CDH12: variants seen among roughly 807,000 people sequenced by gnomAD.
CDH12 encodes cadherin-12.
A neutral mutation model predicts 74.1 loss-of-function variants in CDH12; 41 were observed. The observed-to-expected ratio is 0.55, with a 90% CI of 0.43 to 0.72. The LOEUF (loss-of-function observed/expected upper bound fraction) is 0.72. Among genes scored for constraint, CDH12 ranks in the 30% least tolerant of loss-of-function variants. The pLI is 0.00. For missense variants in CDH12, 945 were observed against 977.2 expected (o/e 0.97, Z 0.44); for synonymous variants, 399 against 355.0 (o/e 1.12, Z -1.39).
intron 1 of CDH12, among the ~76,000 whole-genome samples, chr5:22,686,300 T>C (rs141696810): frequency 1.3e-5 from 2 of 152,280 alleles, no homozygotes; most frequent in Non-Finnish European, 2.9e-5. Context: ...ATGTATTTGA[T>C]TTAAAAATAT....
chr5:22,137,063 C>T (rs1746507662), intron 4 of CDH12, among the ~76,000 whole-genome samples: 2 of 151,440 alleles, frequency 1.3e-5, no homozygotes. Flanking sequence ...GTGAATATCT[C>T]TCTATGAAAT....
chr5:22,755,075 A>C (rs1745819886), intron 1 of CDH12, among the ~76,000 whole-genome samples: 1 of 152,138 alleles, frequency 6.6e-6, no homozygotes, highest in Non-Finnish European at 1.5e-5. Context: ...GGATCTATGG[A>C]TCTTACATAA....
chr5:21,998,587 A>G (rs1736429996), intron 5 of CDH12, among the ~76,000 whole-genome samples: 1 of 152,172 alleles, frequency 6.6e-6, no homozygotes, highest in South Asian at 2.1e-4. Flanking sequence ...ACAAAATATC[A>G]GAAAAATCAG....
At chr5:22,351,149 C>G (rs970957314) in intron 3 of CDH12, among the ~76,000 whole-genome samples, 17 of 151,808 alleles carry the variant, frequency 1.1e-4, no homozygotes. Context: ...TATTGAGTGC[C>G]CTATCATACA....
At chr5:21,958,490 C>A (rs539941614) in intron 6 of CDH12, among the ~76,000 whole-genome samples, 1 of 152,150 alleles carries the variant, frequency 6.6e-6, no homozygotes, top group East Asian at 1.9e-4. Flanking sequence ...AGGAAGGGGT[C>A]CAGTTTCAAT....
At chr5:22,024,481 A>C (rs1161494685) in intron 5 of CDH12, among the ~76,000 whole-genome samples, 1 of 152,120 alleles carries the variant, frequency 6.6e-6, no homozygotes, top group East Asian at 1.9e-4. Context: ...ATCATGCATA[A>C]AGGTAAATTT....
rs1211018091 is a variant in CDH12 at position 22,128,725 on chromosome 5, C to T, written c.-186-49863G>A. On this transcript the variant is annotated intron_variant, in intron 4 of 14. Transcript: ENST00000382254. ...ACTTCTTCTCCCCCACTGAGAAGTA[C>T]AGTCTTCAAAAATTAGTCCAGGTAT... is the stretch of plus-strand genomic sequence containing the variant. 4.6e-5 allele frequency among the ~76,000 whole-genome samples: 7 copies of T among 152,214 alleles called. No individual in the cohort carries two copies. The South Asian group carries it at 1.0e-3, about 23-fold the overall frequency.
chr5:21,801,473 CT>C (rs146918224), intron 10 of CDH12, among the ~76,000 whole-genome samples: 4,056 of 152,202 alleles, frequency 0.027, 75 homozygotes, highest in Middle Eastern at 0.044. Context: ...TCAAAACATA[CT>C]GCTGGGTCAA....
chr5:22,009,901 C>T (rs558208328), intron 5 of CDH12, among the ~76,000 whole-genome samples: 2 of 129,564 alleles, frequency 1.5e-5, no homozygotes, highest in Non-Finnish European at 3.1e-5. Context: ...TTGCTTGAAC[C>T]TGGGAGGCAG....
chr5:22,264,225 A>G lies in CDH12; in HGVS notation c.-332-51582T>C, dbSNP rs567364457. Among the ~76,000 whole-genome samples, 370 of 152,112 alleles carry G rather than the reference A, an allele frequency of 2.4e-3. 3 individuals carry two copies. Among genetic ancestry groups the G allele is most frequent in the African/African-American group, 8.8e-3 (364 of 41,544 alleles). ...GTGGTTTTTTTTACTGAATACAACT[A>G]TTAATCTGTATCCTTGTCAACATAA... On this transcript the variant is annotated intron_variant, in intron 3 of 14. Transcript: ENST00000382254.
intron 2 of CDH12, among the ~76,000 whole-genome samples, chr5:22,480,488 G>A (rs1311301177): frequency 6.6e-6 from 1 of 151,268 alleles, no homozygotes; most frequent in Non-Finnish European, 1.5e-5. Context: ...GGAGACAAAA[G>A]ACGGGAGAAT....
At chr5:22,305,734 A>G (rs1738077270) in intron 3 of CDH12, among the ~76,000 whole-genome samples, 1 of 152,188 alleles carries the variant, frequency 6.6e-6, no homozygotes, top group South Asian at 2.1e-4. Flanking sequence ...CACTGGATTC[A>G]CCACATTCTG....
At chr5:22,426,783 T>C (rs538727552) in intron 2 of CDH12, among the ~76,000 whole-genome samples, 90 of 152,216 alleles carry the variant, frequency 5.9e-4, no homozygotes, top group Non-Finnish European at 1.1e-3. Context: ...CTTTCACTTG[T>C]ATTATTATAC....
intron 3 of CDH12, among the ~76,000 whole-genome samples, chr5:22,353,134 A>AT (rs2150466111): frequency 6.6e-6 from 1 of 152,272 alleles, no homozygotes; most frequent in African/African-American, 2.4e-5. Context: ...TTATATCATC[A>AT]TTTTCTCTCC....
At chr5:22,106,686 T>C (rs1004521334) in intron 4 of CDH12, among the ~76,000 whole-genome samples, 11 of 152,220 alleles carry the variant, frequency 7.2e-5, no homozygotes, top group African/African-American at 2.4e-4. Flanking sequence ...GCATTCACCC[T>C]AGCTGGGAAA....
intron 1 of CDH12, among the ~76,000 whole-genome samples, chr5:22,591,603 G>T (rs1736321910): frequency 6.6e-6 from 1 of 151,878 alleles, no homozygotes; most frequent in Non-Finnish European, 1.5e-5. Flanking sequence ...CTTCCAAAAT[G>T]CCTCATACTA....
chr5:22,284,669 T>A (rs1737056920), intron 3 of CDH12, among the ~76,000 whole-genome samples: 1 of 152,118 alleles, frequency 6.6e-6, no homozygotes. Flanking sequence ...TCATATTCTG[T>A]TGTTTAGAAA....
intron 8 of CDH12, among the ~76,000 whole-genome samples, chr5:21,826,827 T>G (rs1748700180): frequency 6.6e-6 from 1 of 152,194 alleles, no homozygotes; most frequent in South Asian, 2.1e-4. Flanking sequence ...TAATTTTATC[T>G]TCACATCAAG....
intron 3 of CDH12, among the ~76,000 whole-genome samples, chr5:22,235,724 G>A (rs1752537483): frequency 6.6e-6 from 1 of 152,044 alleles, no homozygotes. Context: ...CAGGTCTAAA[G>A]AACATATGGA....
Sources: gnomAD v4.1 joint callset for allele counts (sites outside exome capture counted in the v4.1 genomes callset) on GRCh38, gnomAD v4.1.1 for gene constraint, MANE v1.5 for transcripts, NCBI Gene and HGNC (gene_info 2026-07-23, HGNC 2026-07-21) for gene names.